The following RSF1 variants were observed in gnomAD, a reference collection of about 807,000 sequenced individuals.
RSF1 encodes the protein remodeling and spacing factor 1.
Under a neutral mutation model 145.2 loss-of-function variants are expected in RSF1, and 13 were observed. That is an observed-to-expected ratio of 0.09 (90% CI 0.06 to 0.14). The LOEUF is 0.14. Ranked by LOEUF, RSF1 falls within the 10% of genes least tolerant of loss-of-function variation. RSF1 has a pLI of 1.00. For synonymous variants in RSF1, 577 were observed against 592.6 expected, an observed-to-expected ratio of 0.97 and a Z score of 0.38; for missense variants, 1,517 against 1,718.2, an observed-to-expected ratio of 0.88 and a Z score of 2.07.
At chr11:77,689,079 T>C (rs1197873453) in intron 9 of RSF1, among the ~76,000 whole-genome samples, 1 of 152,192 alleles carries the variant, frequency 6.6e-6, no homozygotes, top group Non-Finnish European at 1.5e-5. Flanking sequence ...AATCAGGAGA[T>C]AATGCTTAGA....
In RSF1 at chr11:77,684,934, C is replaced by T. The variant is rs750577323; in HGVS notation, c.2955+171G>A. ...CCCAGGAGGCAGACACTGCAGTGAG[C>T]AGAGATTGCGCCATTGCACTCCAGT... is the stretch of plus-strand genomic sequence containing the variant. On this transcript the variant is annotated intron_variant, in intron 10 of 15. Coordinates refer to ENST00000308488, the MANE Select transcript of RSF1 (RefSeq NM_016578.4). Among the ~76,000 whole-genome samples the T allele has an allele frequency of 2.0e-5, 3 of 152,070 alleles. No individual in the cohort carries two copies. The East Asian group carries it at 5.8e-4, about 29-fold the overall frequency.
chr11:77,686,565 T>C (rs1960013271), intron 9 of RSF1, among the ~76,000 whole-genome samples: 1 of 152,010 alleles, frequency 6.6e-6, no homozygotes. Context: ...GTTCCTTATA[T>C]AAGGATATTA....
At chr11:77,766,371 A>T (rs556871715) in intron 1 of RSF1, among the ~76,000 whole-genome samples, 23 of 152,326 alleles carry the variant, frequency 1.5e-4, no homozygotes, top group Middle Eastern at 3.4e-3. Context: ...TGAATTTGAA[A>T]CAACACTTTG....
Position 77,820,514 on chromosome 11 carries a change from G to A in RSF1, c.187+14C>T, listed in dbSNP as rs1255803401. ...AGGGCCGCTTCCCGCCGGGCGTTCG[G>A]GCCCCTCGCTTACCTTCTCCGTTGC... On this transcript the variant is annotated intron_variant, in intron 1 of 15. Coordinates refer to ENST00000308488, the MANE Select transcript of RSF1 (RefSeq NM_016578.4). 16 of 1,546,864 alleles carry A rather than the reference G, an allele frequency of 1.0e-5. No individual in the cohort carries two copies. The South Asian group carries it at 1.7e-4, about 16-fold the overall frequency.
At chr11:77,785,733 C>T (rs1263503806) in intron 1 of RSF1, among the ~76,000 whole-genome samples, 1 of 150,270 alleles carries the variant, frequency 6.7e-6, no homozygotes, top group Non-Finnish European at 1.5e-5. Context: ...AGGTGGATCA[C>T]GGTGAAACCC....
At chr11:77,847,068 A>AT in the RSF1 span, among the ~76,000 whole-genome samples, 535 of 152,154 alleles carry the variant, frequency 3.5e-3, 2 homozygotes, top group African/African-American at 0.012. Context: ...CAGGGAAGAC[A>AT]TTTTTCCCCT....
chr11:77,700,843 C>A lies in RSF1; in HGVS notation c.2386G>T (p.Ala796Ser), dbSNP rs1318557704. The A allele has an allele frequency of 6.2e-7, 1 of 1,613,472 alleles. No individual in the cohort carries two copies. Among genetic ancestry groups the A allele is most frequent in the South Asian group, 1.1e-5 (1 of 91,068 alleles). ...TCTCCTTCCCCTCTTTTTTTATCAG[C>A]TTTCTGATCTCTGATCTCAGCCACT... ...AKVAEIRDQK[A>S]DKKRGEGEDE... Residue 796 changes from alanine to serine, a missense_variant, in exon 6 of 16, where the codon GCT (alanine) becomes TCT (serine). Ala to Ser is a moderately conservative substitution (Grantham distance 99). Coordinates refer to ENST00000308488, the MANE Select transcript of RSF1 (RefSeq NM_016578.4).
At chr11:77,668,385 C>T (rs1273064527) in intron 15 of RSF1, among the ~76,000 whole-genome samples, 3 of 152,172 alleles carry the variant, frequency 2.0e-5, no homozygotes, top group Non-Finnish European at 4.4e-5. Context: ...AACTCCTTCC[C>T]ACTAGTACAC....
chr11:77,707,084 C>T (rs962650886), intron 5 of RSF1, among the ~76,000 whole-genome samples: 7 of 152,146 alleles, frequency 4.6e-5, no homozygotes, highest in African/African-American at 1.4e-4. Context: ...TGTGTTTGCA[C>T]ATTGCTTTAT....
At chr11:77,741,323 G>A (rs4945206) in intron 3 of RSF1, among the ~76,000 whole-genome samples, 39,038 of 151,894 alleles carry the variant, frequency 0.26, 5,734 homozygotes, top group South Asian at 0.49. Context: ...CAGGAGGATC[G>A]CTTGAGTCCA....
the RSF1 span, among the ~76,000 whole-genome samples, chr11:77,849,204 T>C: frequency 6.6e-6 from 1 of 151,878 alleles, no homozygotes; most frequent in African/African-American, 2.4e-5. Context: ...ACCTGGCTAA[T>C]TTTTTATTTT....
At chr11:77,777,732 C>T (rs928542883) in intron 1 of RSF1, among the ~76,000 whole-genome samples, 1 of 152,028 alleles carries the variant, frequency 6.6e-6, no homozygotes, top group Admixed American at 6.6e-5. Flanking sequence ...CACCTGTAAT[C>T]CTAGCTACTC....
chr11:77,834,973 C>T, the RSF1 span, among the ~76,000 whole-genome samples: 1 of 151,980 alleles, frequency 6.6e-6, no homozygotes, highest in Admixed American at 6.6e-5. Context: ...GAAGGGTATC[C>T]ATATTTTTAT....
chr11:77,778,205 A>AGGGGGGGGGG (rs1948366045), intron 1 of RSF1, among the ~76,000 whole-genome samples: 1 of 18,078 alleles, frequency 5.5e-5, no homozygotes, highest in African/African-American at 2.2e-4. Flanking sequence ...AGGGAAGGGG[A>AGGGGGGGGGG]GAGGATGGGG....
chr11:77,755,729 G>GC (rs1248525337), intron 2 of RSF1, among the ~76,000 whole-genome samples: 1 of 151,944 alleles, frequency 6.6e-6, no homozygotes, highest in Non-Finnish European at 1.5e-5. Context: ...ACAGGTACGC[G>GC]CCACCATGCC....
the RSF1 span, chr11:77,869,316 T>C: frequency 0.013 from 2,101 of 161,202 alleles, 28 homozygotes; most frequent in Middle Eastern, 0.022. Flanking sequence ...CTTTTTCTTT[T>C]TTTTTTTTTT....
intron 1 of RSF1, among the ~76,000 whole-genome samples, chr11:77,783,148 C>A (rs185447613): frequency 2.0e-5 from 3 of 152,286 alleles, no homozygotes; most frequent in African/African-American, 4.8e-5. Context: ...TATTCTACCA[C>A]CTCACATACA....
At position 77,685,152 on chromosome 11, in the gene RSF1, G is replaced by T; in HGVS notation, c.2908C>A (p.Arg970Ser). The stretch of plus-strand genomic sequence containing the variant: ...ATACTGATACCAACATACACCAAGC[G>T]TTCTTTTCTTTAGGTGAAAAACAAA... ...KKERAERRKE[R>S]LVYVGISIEN... Residue 970 changes from arginine (R) to serine (S), a missense_variant, in exon 10 of 16, where the codon CGC (arginine) becomes AGC (serine). Around this residue, in one of 12 missense-constraint regions of RSF1, gnomAD observed 29 missense variants for 102.3 expected, o/e 0.28. Transcript: ENST00000308488. 6.4e-7 allele frequency: 1 copy of T among 1,554,636 alleles called. No homozygotes were observed. The highest frequency in any genetic ancestry group is 8.7e-7 in the Non-Finnish European group (1 of 1,149,848).
At chr11:77,829,353 T>G in the RSF1 span, among the ~76,000 whole-genome samples, 1 of 152,248 alleles carries the variant, frequency 6.6e-6, no homozygotes, top group Non-Finnish European at 1.5e-5. Context: ...AAATTTTTGT[T>G]GTTTAAGTTA....
Sources: gnomAD v4.1 joint callset for allele counts (sites outside exome capture counted in the v4.1 genomes callset) on GRCh38, gnomAD v4.1.1 for gene constraint, gnomAD v4.1.1 regional missense constraint, MANE v1.5 for transcripts, NCBI Gene and HGNC (gene_info 2026-07-23, HGNC 2026-07-21) for gene names.